LRP8: variants seen among roughly 807,000 people sequenced by gnomAD.
The protein encoded by LRP8 is low-density lipoprotein receptor-related protein 8.
In LRP8, 46 loss-of-function variants were observed where a neutral mutation model predicts 111.6. That is an observed-to-expected ratio of 0.41 (90% CI 0.33 to 0.53). The LOEUF (loss-of-function observed/expected upper bound fraction) is 0.53, where lower values mean the gene tolerates loss of function less well. Among genes scored for constraint, LRP8 ranks in the 20% least tolerant of loss-of-function variants. LRP8 has a pLI of 0.20. For synonymous variants in LRP8, 464 were observed against 511.2 expected, an observed-to-expected ratio of 0.91 and a Z score of 1.24; for missense variants, 959 against 1,297.4, an observed-to-expected ratio of 0.74 and a Z score of 4.01.
chr1:53,269,206 G>T (rs893739194), intron 8 of LRP8, among the ~76,000 whole-genome samples: 2 of 152,162 alleles, frequency 1.3e-5, no homozygotes, highest in Non-Finnish European at 2.9e-5. Context: ...GCATGCTCCT[G>T]CATTAGGGCT....
chr1:53,296,706 T>C (rs1172952565), intron 2 of LRP8, among the ~76,000 whole-genome samples: 1 of 152,204 alleles, frequency 6.6e-6, no homozygotes, highest in Non-Finnish European at 1.5e-5. Flanking sequence ...CAGAGTGTTC[T>C]CTGGCTGCAG....
At chr1:53,310,521 G>T (rs1652795092) in intron 2 of LRP8, among the ~76,000 whole-genome samples, 1 of 152,110 alleles carries the variant, frequency 6.6e-6, no homozygotes, top group African/African-American at 2.4e-5. Context: ...TGACACCTAT[G>T]ATTACTGACA....
intron 9 of LRP8, among the ~76,000 whole-genome samples, chr1:53,265,758 A>T (rs1376296703): frequency 6.6e-6 from 1 of 152,226 alleles, no homozygotes; most frequent in African/African-American, 2.4e-5. Context: ...TCAGTGACTC[A>T]GTGTCTACCC....
At chr1:53,254,293 T>G (rs555148420) in intron 16 of LRP8, among the ~76,000 whole-genome samples, 1 of 152,156 alleles carries the variant, frequency 6.6e-6, no homozygotes, top group South Asian at 2.1e-4. Context: ...GATCTCCTTC[T>G]AGCTCTAAAC....
chr1:53,249,305 C>G lies in LRP8; in HGVS notation c.2853+75G>C, dbSNP rs1164797536. On this transcript the variant is annotated intron_variant, in intron 18 of 18. Coordinates refer to ENST00000306052, the MANE Select transcript of LRP8 (RefSeq NM_004631.5). The surrounding 1 kb of genome is among the most constrained non-coding windows in gnomAD (Gnocchi z 4.1). The stretch of plus-strand genomic sequence containing the variant: ...CAGCCTTCCCAAACCAGAAAGCCTT[C>G]TAGGATTGGCTGCGCCTGCCTTGGT... 3.3e-6 allele frequency: 5 copies of G among 1,510,376 alleles called. No homozygotes were observed. The highest frequency in any genetic ancestry group is 2.8e-5 in the African/African-American group (2 of 71,774). The allele number at this position is 1,510,376 out of a possible 1,614,324, so 93.6% of individuals were successfully genotyped here.
At chr1:53,284,376 G>A (rs1202319269) in intron 3 of LRP8, among the ~76,000 whole-genome samples, 2 of 152,170 alleles carry the variant, frequency 1.3e-5, no homozygotes, top group Non-Finnish European at 2.9e-5. Context: ...TTATAGATGA[G>A]GAAACTGAGG....
chr1:53,300,437 A>G (rs1012442560), intron 2 of LRP8, among the ~76,000 whole-genome samples: 4 of 152,234 alleles, frequency 2.6e-5, no homozygotes, highest in African/African-American at 9.6e-5. Context: ...CACCAAAGGT[A>G]GGACGTTAGC....
chr1:53,251,708 C>T (rs549701618), intron 16 of LRP8, among the ~76,000 whole-genome samples: 1 of 151,580 alleles, frequency 6.6e-6, no homozygotes, highest in African/African-American at 2.4e-5. Flanking sequence ...TCTTAGAGAT[C>T]TAGCTATGCA....
chr1:53,304,882 T>G (rs1051048508), intron 2 of LRP8: 1 of 152,490 alleles, frequency 6.6e-6, no homozygotes, highest in Non-Finnish European at 1.5e-5. Flanking sequence ...ACTGGCATCC[T>G]GGCCCAGACC....
rs1645730507 is a variant in LRP8, at chr1:53,246,533, G to A, written c.*485C>T. ...AAATATGTTAATAAATAATCTAAAT[G>A]GGGGAGGGAGTTGAAGTGTTTTTTT... is the stretch of plus-strand genomic sequence containing the variant. On this transcript the variant is annotated 3_prime_UTR_variant, in exon 19 of 19. Transcript: ENST00000306052. The A allele has an allele frequency of 6.6e-6, 1 of 151,040 alleles. No individual in the cohort carries two copies. The highest frequency in any genetic ancestry group is 2.4e-5 in the African/African-American group (1 of 40,976). The allele number at this position is 151,040 out of a possible 1,614,324, so 9.4% of individuals were successfully genotyped here.
At position 53,278,271 on chromosome 1, in the gene LRP8, T is replaced by G. The variant is rs145158278; in HGVS notation, c.497-1193A>C. ...TTTTTCCAGCTGTTTTTCAGGGCAGTGACCTCCTCACTTCCCTCCCTCCTG... is the reference window on the plus strand; with the variant it reads ...TTTTTCCAGCTGTTTTTCAGGGCAGGGACCTCCTCACTTCCCTCCCTCCTG... On this transcript the variant is annotated intron_variant, in intron 4 of 18. Coordinates refer to ENST00000306052, the MANE Select transcript of LRP8 (RefSeq NM_004631.5). 1.5e-3 allele frequency among the ~76,000 whole-genome samples: 229 copies of G among 152,282 alleles called. 1 individual carries two copies. Among genetic ancestry groups the G allele is most frequent in the African/African-American group, 5.2e-3 (215 of 41,562 alleles).
chr1:53,278,817 G>A (rs1386686137), intron 4 of LRP8, among the ~76,000 whole-genome samples: 1 of 150,420 alleles, frequency 6.6e-6, no homozygotes, highest in Non-Finnish European at 1.5e-5. Flanking sequence ...CGCCCAGGCT[G>A]GAGAGCAGTG....
At position 53,327,867 on chromosome 1, in the gene LRP8, G is replaced by A. The variant is rs1456573677; in HGVS notation, c.46C>T (p.Leu16=). 7.3e-6 allele frequency: 11 copies of A among 1,507,206 alleles called. No homozygotes were observed. In the African/African-American group the frequency reaches 1.1e-4, roughly 16 times the overall value. The allele number at this position is 1,507,206 out of a possible 1,614,324, so 93.4% of individuals were successfully genotyped here. The change falls in exon 1 of 19, where the codon CTG becomes TTG. Residue 16 remains leucine, a synonymous_variant. Transcript: ENST00000306052. Reference sequence around the variant, plus strand: ...AGCAGCAGCAGCAGCAGCAGCAGCAGCAGCAGCGCCAGAAGCCGGAGAGGG... The same window carrying A: ...AGCAGCAGCAGCAGCAGCAGCAGCAACAGCAGCGCCAGAAGCCGGAGAGGG... ...PGPLRLLALL[L]LLLLLLLLQL...
intron 1 of LRP8, 54 bp downstream of exon 1, chr1:53,327,735 C>G (rs1348353265): frequency 4.3e-6 from 6 of 1,407,500 alleles, no homozygotes; most frequent in Non-Finnish European, 5.6e-6. Context: ...CCCGGCCGCG[C>G]TTTGTTGGTG....
At chr1:53,301,343 G>A (rs372862826) in intron 2 of LRP8, among the ~76,000 whole-genome samples, 2 of 152,164 alleles carry the variant, frequency 1.3e-5, no homozygotes, top group African/African-American at 2.4e-5. Context: ...CCAGTCCCTC[G>A]GCCTGGCTCC....
chr1:53,259,190 C>T (rs1646230899), intron 13 of LRP8, among the ~76,000 whole-genome samples: 1 of 152,222 alleles, frequency 6.6e-6, no homozygotes, highest in South Asian at 2.1e-4. Flanking sequence ...TAGCTCACTG[C>T]AGCCTCAAAC....
chr1:53,304,695 C>G (rs1024998701), intron 2 of LRP8: 10 of 152,354 alleles, frequency 6.6e-5, no homozygotes, highest in African/African-American at 2.2e-4. Context: ...GGGCTCTGGC[C>G]GGGACCACCC....
chr1:53,327,775 C>A lies in LRP8; in HGVS notation c.124+14G>T. The A allele has an allele frequency of 6.6e-7, 1 of 1,505,992 alleles. No individual in the cohort carries two copies. Among genetic ancestry groups the A allele is most frequent in the Non-Finnish European group, 8.8e-7 (1 of 1,132,060 alleles). The allele number at this position is 1,505,992 out of a possible 1,614,324, so 93.3% of individuals were successfully genotyped here. The stretch of plus-strand genomic sequence containing the variant: ...GGGCGGAGCAGAGCCGAGTCAGAGA[C>A]CGGCTGCACGCACCTTGGCCGCCGA... On this transcript the variant is annotated intron_variant, in intron 1 of 18. Coordinates refer to ENST00000306052, the MANE Select transcript of LRP8 (RefSeq NM_004631.5).
rs1645813413 is a variant in LRP8 at position 53,249,070 on chromosome 1, A to G, written c.2853+310T>C. ...ACTGGTCAAGCAACTATTTTTTTGGACTGGCCGAGGTTAAGGATCCTCAAG... is the reference window on the plus strand; with the variant it reads ...ACTGGTCAAGCAACTATTTTTTTGGGCTGGCCGAGGTTAAGGATCCTCAAG... On this transcript the variant is annotated intron_variant, in intron 18 of 18. Transcript: ENST00000306052. The surrounding 1 kb of genome is among the most constrained non-coding windows in gnomAD (Gnocchi z 4.1). 6.6e-6 allele frequency among the ~76,000 whole-genome samples: 1 copy of G among 152,182 alleles called. No individual in the cohort carries two copies. Among genetic ancestry groups the G allele is most frequent in the Non-Finnish European group, 1.5e-5 (1 of 68,028 alleles).
Sources: gnomAD v4.1 joint callset for allele counts (sites outside exome capture counted in the v4.1 genomes callset) on GRCh38, gnomAD v4.1.1 for gene constraint, Gnocchi (gnomAD v3.1) non-coding constraint, MANE v1.5 for transcripts, NCBI Gene and HGNC (gene_info 2026-07-23, HGNC 2026-07-21) for gene names.